Variants in NKAPD1 observed in about 807,000 individuals in gnomAD.
The protein encoded by NKAPD1 is NKAP domain containing 1.
Under a neutral mutation model 30.9 loss-of-function variants are expected in NKAPD1, and 12 were observed. The ratio of observed to expected loss-of-function variants is 0.39; its 90% confidence interval spans 0.25 to 0.63. The LOEUF is 0.63. NKAPD1 is among the 20% of genes least tolerant of loss of function. NKAPD1 has a pLI of 0.51. For missense variants in NKAPD1, 311 were observed against 344.5 expected (o/e 0.90, Z 0.77); for synonymous variants, 91 against 113.6 (o/e 0.80, Z 1.26).
chr11:112,081,932 CA>C (rs748912882), intron 4 of NKAPD1, 49 bp from the exon 5 acceptor site: 1 of 1,527,950 alleles, frequency 6.5e-7, no homozygotes, highest in South Asian at 1.1e-5. Context: ...CTTTAATTTC[CA>C]AAAATGTATG....
At chr11:112,080,230 C>T (rs956471830) in intron 3 of NKAPD1, among the ~76,000 whole-genome samples, 179 bp from the exon 4 acceptor site, 6 of 150,410 alleles carry the variant, frequency 4.0e-5, no homozygotes, top group African/African-American at 1.2e-4. Context: ...TTCCACTGGA[C>T]TTCACAAATG....
intron 3 of NKAPD1, 34 bp from the exon 4 acceptor site, chr11:112,080,375 T>G: frequency 1.9e-6 from 3 of 1,610,070 alleles, no homozygotes; most frequent in Non-Finnish European, 2.5e-6. Context: ...CAGATTGCTT[T>G]TACATCTAAA....
intron 3 of NKAPD1, among the ~76,000 whole-genome samples, 172 bp from the exon 4 acceptor site, chr11:112,080,237 A>G (rs1010664229): frequency 1.3e-5 from 2 of 151,776 alleles, no homozygotes; most frequent in Non-Finnish European, 2.9e-5. Flanking sequence ...GGACTTCACA[A>G]ATGTATAGAG....
intron 3 of NKAPD1, 102 bp downstream of exon 3, chr11:112,078,417 G>A (rs1865377103): frequency 2.2e-6 from 2 of 914,730 alleles, no homozygotes; most frequent in Admixed American, 4.6e-5. Context: ...ATTCAGTTCT[G>A]TGAGTCCTTA....
chr11:112,078,122 G>T (rs1440335146), intron 2 of NKAPD1, 93 bp from the exon 3 acceptor site: 15 of 899,834 alleles, frequency 1.7e-5, no homozygotes, highest in East Asian at 2.8e-5. Flanking sequence ...GGGATTACAG[G>T]TGTGAGCCAC....
At chr11:112,079,555 ATGGG>A (rs1246975458) in intron 3 of NKAPD1, among the ~76,000 whole-genome samples, 1 of 152,184 alleles carries the variant, frequency 6.6e-6, no homozygotes, top group African/African-American at 2.4e-5. Context: ...CAGTATTCCC[ATGGG>A]TTAGACCTTG....
chr11:112,074,353 C>A lies in NKAPD1; in HGVS notation c.-572C>A. ...TACCCCCCGCCACGCGAGGCTGCGG[C>A]GCACGGTATGGGTGTGTTTGTGTGT... On this transcript the variant is annotated 5_prime_UTR_variant, in exon 1 of 6. Transcript: ENST00000393047. 2.5e-6 allele frequency: 1 copy of A among 399,290 alleles called. No individual in the cohort carries two copies. The highest frequency in any genetic ancestry group is 4.4e-6 in the Non-Finnish European group (1 of 226,274). The allele number at this position is 399,290 out of a possible 1,614,324, so 24.7% of individuals were successfully genotyped here.
chr11:112,080,679 C>A, intron 4 of NKAPD1, 121 bp downstream of exon 4: 1 of 1,142,624 alleles, frequency 8.8e-7, no homozygotes, highest in Non-Finnish European at 1.2e-6. Context: ...AATAATGGCC[C>A]CAAAAAATAA....
chr11:112,082,049 G>T lies in NKAPD1; in HGVS notation c.374+14G>T. On this transcript the variant is annotated intron_variant, in intron 5 of 5. Coordinates refer to ENST00000393047, the MANE Select transcript of NKAPD1 (RefSeq NM_018195.4). ...TGAAACAGACAGGTAAGGAAAATAG[G>T]CTTACTGAAAGAAACTAAGATGGTA... The T allele has an allele frequency of 6.3e-7, 1 of 1,598,798 alleles. No individual in the cohort carries two copies. Among genetic ancestry groups the T allele is most frequent in the Non-Finnish European group, 8.6e-7 (1 of 1,167,080 alleles).
chr11:112,076,179 G>A (rs896945820), intron 2 of NKAPD1, among the ~76,000 whole-genome samples: 2 of 152,176 alleles, frequency 1.3e-5, no homozygotes, highest in African/African-American at 4.8e-5. Flanking sequence ...CAATAAAGAA[G>A]CCATCAAATG....
chr11:112,077,427 C>T (rs1327663995), intron 2 of NKAPD1, among the ~76,000 whole-genome samples: 1 of 152,034 alleles, frequency 6.6e-6, no homozygotes, highest in Non-Finnish European at 1.5e-5. Flanking sequence ...TATAATATTA[C>T]CAGAAGAGAT....
At position 112,074,674 on chromosome 11, in the gene NKAPD1, C is replaced by CG; in HGVS notation, c.-249dup. The CG allele has an allele frequency of 2.5e-6, 1 of 394,662 alleles. No individual in the cohort carries two copies. The highest frequency in any genetic ancestry group is 4.5e-6 in the Non-Finnish European group (1 of 223,876). The allele number at this position is 394,662 out of a possible 1,614,324, so 24.4% of individuals were successfully genotyped here. Reference sequence around the variant, plus strand: ...CCGAATTCCGCCCCGGCTCAGCCTCCGGCCTCAGTCCGGGAGAGAGATCTG... The same window carrying CG: ...CCGAATTCCGCCCCGGCTCAGCCTCCGGGCCTCAGTCCGGGAGAGAGATCTG... On this transcript the variant is annotated 5_prime_UTR_variant, in exon 1 of 6. It removes the in-frame stop codon of an upstream open reading frame in the 5' UTR. Coordinates refer to ENST00000393047, the MANE Select transcript of NKAPD1 (RefSeq NM_018195.4).
intron 4 of NKAPD1, 116 bp from the exon 5 acceptor site, chr11:112,081,866 C>T (rs1261994628): frequency 1.3e-6 from 1 of 787,338 alleles, no homozygotes. Context: ...TCTACCATAT[C>T]TCTACTTTGT....
chr11:112,074,996 C>A (rs2135238117), intron 1 of NKAPD1, 80 bp downstream of exon 1: 1 of 155,888 alleles, frequency 6.4e-6, no homozygotes, highest in South Asian at 2.0e-4. Flanking sequence ...TTTTTGGAAG[C>A]TTCCGTAGCA....
At chr11:112,080,757 G>A in intron 4 of NKAPD1, 199 bp downstream of exon 4, 2 of 558,098 alleles carry the variant, frequency 3.6e-6, no homozygotes, top group Admixed American at 3.5e-5. Flanking sequence ...TCCATACAAT[G>A]GAATATTATT....
intron 3 of NKAPD1, 120 bp downstream of exon 3, chr11:112,078,435 CTTCT>C: frequency 1.3e-6 from 1 of 777,238 alleles, no homozygotes; most frequent in Non-Finnish European, 2.2e-6. Context: ...TTAAGCCTTC[CTTCT>C]TTCGTAAATC....
Position 112,084,774 on chromosome 11 carries a change from C to T in NKAPD1, c.*1802C>T, listed in dbSNP as rs1865543497. Reference sequence around the variant, plus strand: ...TTCCTCCCAAGTTAGCAGGCTTGTTCTTTCGCAAGGAATACACATCTTGCC... The same window carrying T: ...TTCCTCCCAAGTTAGCAGGCTTGTTTTTTCGCAAGGAATACACATCTTGCC... On this transcript the variant is annotated 3_prime_UTR_variant, in exon 6 of 6. Coordinates refer to ENST00000393047, the MANE Select transcript of NKAPD1 (RefSeq NM_018195.4). 2 of 128,000 alleles carry T rather than the reference C, an allele frequency of 1.6e-5. No individual in the cohort carries two copies. Among genetic ancestry groups the T allele is most frequent in the African/African-American group, 2.8e-5 (1 of 35,520 alleles). 7.9% of individuals were successfully genotyped at this position (128,000 alleles called of 1,614,324 possible).
intron 2 of NKAPD1, among the ~76,000 whole-genome samples, chr11:112,076,025 A>G (rs753084838): frequency 6.6e-6 from 1 of 152,238 alleles, no homozygotes; most frequent in Non-Finnish European, 1.5e-5. Flanking sequence ...TAATATGGCA[A>G]CGAGAAAGAG....
intron 3 of NKAPD1, among the ~76,000 whole-genome samples, chr11:112,078,830 A>G (rs1475231774): frequency 2.0e-5 from 3 of 152,116 alleles, no homozygotes; most frequent in Non-Finnish European, 2.9e-5. Context: ...GATTATAAGC[A>G]TGAGCCACTT....
Sources: allele counts gnomAD v4.1 joint callset (sites outside exome capture counted in the v4.1 genomes callset), GRCh38; gene constraint gnomAD v4.1.1; transcripts MANE v1.5; gene names NCBI Gene and HGNC (gene_info 2026-07-23, HGNC 2026-07-21).